The following FRMPD2 variants were observed in gnomAD, a reference collection of about 807,000 sequenced individuals.
FRMPD2 encodes the protein FERM and PDZ domain-containing protein 2.
FRMPD2 carries 96 observed loss-of-function variants against 140.1 expected under a neutral mutation model. The ratio of observed to expected loss-of-function variants is 0.69; its 90% CI spans 0.58 to 0.81. The LOEUF (loss-of-function observed/expected upper bound fraction) is 0.81. FRMPD2 is among the 40% of genes least tolerant of loss of function. The probability of loss-of-function intolerance (pLI) is 0.00; values close to 1 mark genes in which losing one functional copy is unlikely to be tolerated. For missense variants in FRMPD2, 1,240 were observed against 1,447.4 expected, an observed-to-expected ratio of 0.86 and a Z score of 2.32; for synonymous variants, 449 against 547.6, an observed-to-expected ratio of 0.82 and a Z score of 2.52.
intron 12 of FRMPD2, among the ~76,000 whole-genome samples, chr10:48,213,959 C>T (rs1052288922): frequency 6.6e-6 from 1 of 152,154 alleles, no homozygotes; most frequent in African/African-American, 2.4e-5. Context: ...AAAATGAACT[C>T]GGGGCACATA....
intron 14 of FRMPD2, chr10:48,201,800 A>G (rs1839093131): frequency 6.5e-6 from 1 of 153,884 alleles, no homozygotes; most frequent in Non-Finnish European, 1.4e-5. Context: ...AAAAAGATAA[A>G]AACACCTGTG....
intron 15 of FRMPD2, 158 bp from the exon 16 acceptor site, chr10:48,193,052 G>C (rs111717239): frequency 6.4e-6 from 4 of 627,706 alleles, no homozygotes; most frequent in Admixed American, 2.6e-5. Context: ...GGAATGCAAG[G>C]TCTCCTAATT....
intron 4 of FRMPD2, among the ~76,000 whole-genome samples, chr10:48,244,087 C>T (rs1467214140): frequency 2.6e-5 from 4 of 152,212 alleles, no homozygotes; most frequent in Non-Finnish European, 4.4e-5. Context: ...GGGGTTTAAG[C>T]GATTCTCATG....
chr10:48,183,881 A>G (rs929938178), intron 20 of FRMPD2, among the ~76,000 whole-genome samples: 3 of 149,426 alleles, frequency 2.0e-5, no homozygotes, highest in African/African-American at 7.6e-5. Context: ...CAAATACCGC[A>G]TGTTCTCATT....
At chr10:48,164,847 G>C (rs1384223475) in intron 27 of FRMPD2, among the ~76,000 whole-genome samples, 1 of 94,634 alleles carries the variant, frequency 1.1e-5, no homozygotes, top group Non-Finnish European at 2.0e-5. Flanking sequence ...AAGACCTCCA[G>C]TCTGTGGAGC....
At chr10:48,189,851 C>T (rs1838787904) in intron 16 of FRMPD2, among the ~76,000 whole-genome samples, 3 of 152,160 alleles carry the variant, frequency 2.0e-5, no homozygotes, top group Non-Finnish European at 2.9e-5. Context: ...ACACTGTGTT[C>T]GAGACCAGCA....
intron 28 of FRMPD2, among the ~76,000 whole-genome samples, chr10:48,162,964 A>G (rs1170569322): frequency 2.0e-5 from 3 of 149,062 alleles, no homozygotes; most frequent in African/African-American, 7.5e-5. Flanking sequence ...ATAAAGCATT[A>G]TACTAGCAAT....
intron 15 of FRMPD2, among the ~76,000 whole-genome samples, chr10:48,194,150 C>T (rs1013811131): frequency 3.9e-5 from 6 of 152,178 alleles, no homozygotes; most frequent in Admixed American, 3.3e-4. Flanking sequence ...ATGTGCCAGG[C>T]GTGGTGGGAA....
intron 1 of FRMPD2, among the ~76,000 whole-genome samples, chr10:48,259,013 C>T (rs949652419): frequency 4.6e-5 from 7 of 152,152 alleles, no homozygotes; most frequent in African/African-American, 1.7e-4. Context: ...GTCTTCTTGA[C>T]ATAATCTGAA....
chr10:48,201,485 T>C (rs1839086392), intron 14 of FRMPD2, 101 bp from the exon 15 acceptor site: 17 of 1,044,110 alleles, frequency 1.6e-5, no homozygotes, highest in Non-Finnish European at 2.3e-5. Flanking sequence ...CCACACCCTG[T>C]AGCAGGCATC....
intron 9 of FRMPD2, among the ~76,000 whole-genome samples, chr10:48,234,015 A>T (rs1283728302): frequency 6.6e-6 from 1 of 152,222 alleles, no homozygotes; most frequent in Non-Finnish European, 1.5e-5. Flanking sequence ...TCACCCACCC[A>T]GCTCCCAAGC....
intron 15 of FRMPD2, among the ~76,000 whole-genome samples, chr10:48,194,999 G>A (rs1011622898): frequency 6.6e-6 from 1 of 152,232 alleles, no homozygotes; most frequent in Non-Finnish European, 1.5e-5. Flanking sequence ...GTGACTCATA[G>A]CATAATTGTG....
chr10:48,210,480 G>A (rs1034041053), intron 13 of FRMPD2, among the ~76,000 whole-genome samples: 5 of 152,340 alleles, frequency 3.3e-5, no homozygotes, highest in Non-Finnish European at 5.9e-5. Context: ...CAAAGTCAGG[G>A]TCTGGGCAGA....
chr10:48,163,779 T>C, intron 27 of FRMPD2, 108 bp from the exon 28 acceptor site: 1 of 660,902 alleles, frequency 1.5e-6, no homozygotes, highest in Non-Finnish European at 2.8e-6. Context: ...AGTTACAAGA[T>C]GGGCTTTGAG....
intron 7 of FRMPD2, among the ~76,000 whole-genome samples, chr10:48,238,433 G>C (rs1001537445): frequency 3.3e-5 from 5 of 152,176 alleles, no homozygotes; most frequent in Non-Finnish European, 7.4e-5. Flanking sequence ...CACCCAGCAG[G>C]TCATGGGACT....
chr10:48,245,305 C>T (rs978731431), intron 3 of FRMPD2, among the ~76,000 whole-genome samples: 3 of 152,338 alleles, frequency 2.0e-5, no homozygotes, highest in South Asian at 2.1e-4. Flanking sequence ...TGACATGAAA[C>T]GGCTGCTGAC....
rs1838164001 is a variant in FRMPD2 at position 48,168,673 on chromosome 10, T to G, written c.3459A>C (p.Arg1153Ser). ...GGAGCGTGACTTCCTGTGGGGCCCCTCTCAGTAAATGCAGCACCTCCTGCG... is the reference window on the plus strand; with the variant it reads ...GGAGCGTGACTTCCTGTGGGGCCCCGCTCAGTAAATGCAGCACCTCCTGCG... ...LIFQEVLHLL[R>S]GAPQEVTLLL... The change falls in exon 27 of 29, where the codon AGA becomes AGC. Residue 1153 changes from arginine (R) to serine (S), a missense_variant. Arg to Ser is a moderately radical substitution (Grantham distance 110). Around this residue, in one of 6 missense-constraint regions of FRMPD2, gnomAD observed 30 missense variants for 227.5 expected, o/e 0.13. Coordinates refer to ENST00000374201, the MANE Select transcript of FRMPD2 (RefSeq NM_001018071.4). The G allele has an allele frequency of 9.6e-7, 1 of 1,038,136 alleles. No homozygotes were observed. The allele number at this position is 1,038,136 out of a possible 1,614,324, so 64.3% of individuals were successfully genotyped here.
rs773597347 is a variant in FRMPD2, at chr10:48,192,830, G to A, written c.2019C>T (p.Leu673=). The A allele has an allele frequency of 1.2e-6, 2 of 1,614,144 alleles. No individual in the cohort carries two copies. The highest frequency in any genetic ancestry group is 1.7e-6 in the Non-Finnish European group (2 of 1,180,022). Residue 673 remains leucine, a synonymous_variant, in exon 16 of 29, where the codon CTC becomes CTT. Transcript: ENST00000374201. ...SPAHQARSKP[L]IWIQRLSCSE... is the part of the protein sequence containing the mutation. ...AGCATGACAATCTCTGAATCCAAAT[G>A]AGAGGCTTAGACCGGGCCTGGTGTG...
intron 13 of FRMPD2, 69 bp from the exon 14 acceptor site, chr10:48,207,002 C>A: frequency 7.1e-7 from 1 of 1,411,000 alleles, no homozygotes; most frequent in African/African-American, 1.4e-5. Context: ...TCACGCCATT[C>A]ACTCCATGCA....
Sources: allele counts gnomAD v4.1 joint callset (sites outside exome capture counted in the v4.1 genomes callset), GRCh38; gene constraint gnomAD v4.1.1; regional missense constraint gnomAD v4.1.1; transcripts MANE v1.5; gene names NCBI Gene and HGNC (gene_info 2026-07-23, HGNC 2026-07-21).